The following RAD51B variants were observed in gnomAD, a reference collection of about 807,000 sequenced individuals.
RAD51B encodes RAD51 paralog B, also known as DNA repair protein RAD51 homolog 2.
Under a neutral mutation model 42.2 loss-of-function variants are expected in RAD51B, and 38 were observed. The observed-to-expected ratio is 0.90, with a 90% confidence interval of 0.70 to 1.18. The LOEUF (loss-of-function observed/expected upper bound fraction) is 1.18, where lower values mean the gene tolerates loss of function less well. Ranked by LOEUF, RAD51B falls within the 50% of genes most tolerant of loss-of-function variation. The pLI, the probability that RAD51B is intolerant of heterozygous loss-of-function variation, is 0.00. For synonymous variants in RAD51B, 154 were observed against 145.2 expected (o/e 1.06, Z -0.43); for missense variants, 373 against 400.7 (o/e 0.93, Z 0.59).
chr14:68,433,397 A>C (rs557903773), intron 9 of RAD51B, among the ~76,000 whole-genome samples: 1 of 152,058 alleles, frequency 6.6e-6, no homozygotes, highest in African/African-American at 2.4e-5. Flanking sequence ...TCAGACGTAG[A>C]TTTGGTCTTT....
chr14:68,558,138 C>T (rs1305316112), intron 10 of RAD51B, among the ~76,000 whole-genome samples: 1 of 152,192 alleles, frequency 6.6e-6, no homozygotes, highest in Non-Finnish European at 1.5e-5. Flanking sequence ...AGGGTAGTGG[C>T]AGTGTGGCTT....
chr14:68,461,327 C>G (rs2085839025), intron 9 of RAD51B, among the ~76,000 whole-genome samples: 1 of 98,072 alleles, frequency 1.0e-5, no homozygotes, highest in Admixed American at 1.2e-4. Context: ...CATGCAATAT[C>G]CATGCAGGGA....
At chr14:68,269,976 A>C (rs2081073417) in intron 7 of RAD51B, among the ~76,000 whole-genome samples, 1 of 152,242 alleles carries the variant, frequency 6.6e-6, no homozygotes, top group Admixed American at 6.5e-5. Flanking sequence ...AATTGGAAAC[A>C]GCTACTATAG....
intron 7 of RAD51B, chr14:68,125,477 C>T (rs1160399591): frequency 6.6e-6 from 1 of 152,196 alleles, no homozygotes. Flanking sequence ...GCCCTGTGTT[C>T]ATCTGAATGT....
intron 10 of RAD51B, among the ~76,000 whole-genome samples, chr14:68,503,982 C>T (rs1214569603): frequency 6.6e-6 from 1 of 152,168 alleles, no homozygotes; most frequent in African/African-American, 2.4e-5. Flanking sequence ...TAAAACTTCA[C>T]GGTGGTGGTG....
At chr14:67,946,936 T>G (rs2045415830) in intron 7 of RAD51B, among the ~76,000 whole-genome samples, 1 of 152,194 alleles carries the variant, frequency 6.6e-6, no homozygotes, top group Non-Finnish European at 1.5e-5. Flanking sequence ...AGAAGTAAAA[T>G]TAGATTTCTT....
chr14:68,339,843 G>A (rs2082535559), intron 8 of RAD51B, among the ~76,000 whole-genome samples: 1 of 152,144 alleles, frequency 6.6e-6, no homozygotes, highest in South Asian at 2.1e-4. Context: ...CAGTAAGATA[G>A]CAATCTAATA....
chr14:68,353,353 C>G (rs17105461), intron 8 of RAD51B, among the ~76,000 whole-genome samples: 1 of 152,066 alleles, frequency 6.6e-6, no homozygotes, highest in Non-Finnish European at 1.5e-5. Flanking sequence ...TGCATTTTAG[C>G]GAGAGGATAT....
intron 7 of RAD51B, among the ~76,000 whole-genome samples, chr14:68,087,567 G>C (rs1226547646): frequency 2.0e-5 from 3 of 151,756 alleles, no homozygotes; most frequent in Non-Finnish European, 2.9e-5. Context: ...GTGGTTTAAC[G>C]GAAAGAAAGT....
In RAD51B at chr14:67,848,371, T is replaced by C. The variant is rs932340319; in HGVS notation, c.315+13175T>C. 3.9e-5 allele frequency among the ~76,000 whole-genome samples: 6 copies of C among 152,312 alleles called. No homozygotes were observed. The South Asian group carries it at 1.0e-3, about 26-fold the overall frequency. On this transcript the variant is annotated intron_variant, in intron 4 of 10. Transcript: ENST00000471583. ...CCTTCTACGTCTTTCTTAGTCGTTA[T>C]GGTTTAAAGTCTGTTTTATCTGGTA...
intron 10 of RAD51B, among the ~76,000 whole-genome samples, chr14:68,606,297 T>G (rs933416674): frequency 2.0e-5 from 3 of 152,016 alleles, no homozygotes; most frequent in Non-Finnish European, 2.9e-5. Flanking sequence ...CTTCTTAGGG[T>G]GGGTTCCCTG....
intron 10 of RAD51B, among the ~76,000 whole-genome samples, chr14:68,561,814 C>A (rs553549332): frequency 3.5e-4 from 53 of 152,188 alleles, no homozygotes; most frequent in African/African-American, 1.2e-3. Flanking sequence ...AATGAACATA[C>A]CGGCTTTAGA....
intron 10 of RAD51B, among the ~76,000 whole-genome samples, chr14:68,573,810 C>G (rs1183080723): frequency 6.6e-6 from 1 of 152,226 alleles, no homozygotes; most frequent in African/African-American, 2.4e-5. Flanking sequence ...AGGGGGCAGG[C>G]CTTCCATTCA....
chr14:68,115,568 A>G (rs1299330485), intron 7 of RAD51B, among the ~76,000 whole-genome samples: 1 of 149,528 alleles, frequency 6.7e-6, no homozygotes, highest in Non-Finnish European at 1.5e-5. Flanking sequence ...AAAAGACACC[A>G]CCATTCAGAA....
intron 7 of RAD51B, among the ~76,000 whole-genome samples, chr14:68,205,779 T>C (rs1276399750): frequency 6.6e-6 from 1 of 152,180 alleles, no homozygotes; most frequent in South Asian, 2.1e-4. Context: ...ATAATATTTT[T>C]CTGAGCCATT....
chr14:68,164,936 TA>T (rs2078718865), intron 7 of RAD51B, among the ~76,000 whole-genome samples: 1 of 152,204 alleles, frequency 6.6e-6, no homozygotes, highest in African/African-American at 2.4e-5. Context: ...TATCTATTAA[TA>T]AAAGCACAAC....
rs916079640 is a variant in RAD51B at position 68,518,344 on chromosome 14, T to C, written c.1036+50094T>C. On this transcript the variant is annotated intron_variant, in intron 10 of 10. Transcript: ENST00000487270. ...TGGGCTCAGCTCTTTGGCAAGTGAT[T>C]GCGTAGCTGTTCTGCCTGTGACTGC... is the stretch of plus-strand genomic sequence containing the variant. Among the ~76,000 whole-genome samples, 8 of 152,324 alleles carry C rather than the reference T, an allele frequency of 5.3e-5. No individual in the cohort carries two copies. The Middle Eastern group carries it at 0.014, about 259-fold the overall frequency.
At chr14:68,236,243 A>G (rs1161564686) in intron 7 of RAD51B, 1 of 152,210 alleles carries the variant, frequency 6.6e-6, no homozygotes, top group African/African-American at 2.4e-5. Context: ...TAAACAAATA[A>G]GAGAAGAGGT....
At chr14:68,282,761 ATTGG>A (rs1434560748) in intron 7 of RAD51B, among the ~76,000 whole-genome samples, 1 of 152,178 alleles carries the variant, frequency 6.6e-6, no homozygotes, top group Non-Finnish European at 1.5e-5. Flanking sequence ...TGGAGATAGA[ATTGG>A]TTGCACCTCT....
Sources: gnomAD v4.1 joint callset for allele counts (sites outside exome capture counted in the v4.1 genomes callset) on GRCh38, gnomAD v4.1.1 for gene constraint, MANE v1.5 for transcripts, NCBI Gene and HGNC (gene_info 2026-07-23, HGNC 2026-07-21) for gene names.